Variants in IQGAP3 observed in about 807,000 individuals in gnomAD.
IQGAP3 encodes IQ motif containing GTPase activating protein 3.
IQGAP3 carries 165 observed loss-of-function variants against 208.2 expected under a neutral mutation model. The observed-to-expected ratio is 0.79, with a 90% CI of 0.70 to 0.90. IQGAP3 has a LOEUF of 0.90. Among genes scored for constraint, IQGAP3 ranks in the 40% least tolerant of loss-of-function variants. The pLI is 0.00. For synonymous variants in IQGAP3, 703 were observed against 803.6 expected (o/e 0.87, Z 2.12); for missense variants, 1,811 against 2,043.1 (o/e 0.89, Z 2.19).
intron 25 of IQGAP3, 92 bp from the exon 26 acceptor site, chr1:156,539,125 T>C: frequency 9.0e-7 from 1 of 1,106,252 alleles, no homozygotes; most frequent in South Asian, 1.3e-5. Context: ...TCTCAAAGCC[T>C]GCCCTGGTGT....
chr1:156,543,850 C>T (rs554274203), intron 22 of IQGAP3, 131 bp downstream of exon 22: 13 of 777,172 alleles, frequency 1.7e-5, no homozygotes, highest in African/African-American at 3.4e-5. Flanking sequence ...CTGTTCCATG[C>T]TCCTGCACAG....
chr1:156,564,488 C>T (rs1408461881), intron 5 of IQGAP3, 127 bp downstream of exon 5: 1 of 725,772 alleles, frequency 1.4e-6, no homozygotes, highest in Non-Finnish European at 2.5e-6. Flanking sequence ...AATCTGAAAC[C>T]TCACTCTCCT....
chr1:156,533,692 C>T (rs967133672), intron 31 of IQGAP3, 81 bp downstream of exon 31: 53 of 1,160,638 alleles, frequency 4.6e-5, no homozygotes, highest in Middle Eastern at 5.5e-4. Flanking sequence ...CATGGGCACG[C>T]TCACATGCCC....
chr1:156,566,586 C>T, intron 2 of IQGAP3, 40 bp from the exon 3 acceptor site: 4 of 1,601,160 alleles, frequency 2.5e-6, no homozygotes, highest in Non-Finnish European at 3.4e-6. Flanking sequence ...CTCTGGCAGA[C>T]CACAGTGATT....
chr1:156,569,528 C>A (rs868080172), intron 1 of IQGAP3, 65 bp from the exon 2 acceptor site: 27 of 137,384 alleles, frequency 2.0e-4, no homozygotes, highest in Non-Finnish European at 3.1e-4. Context: ...ACTGAAGGGT[C>A]TTTTTTTTTT....
Position 156,563,309 on chromosome 1 carries a change from T to G in IQGAP3, c.623A>C (p.His208Pro), listed in dbSNP as rs181872194. ...NELSVDEAAV[H>P]AAVLAINEAV... is the part of the protein sequence containing the mutation. ...TTCATTGATGGCAAGAACAGCTGCA[T>G]GGACTGGGAGAGGGCATGGAAACAA... Residue 208 changes from histidine to proline, a missense_variant, in exon 8 of 38, where the codon CAT becomes CCT. Coordinates refer to ENST00000361170, the MANE Select transcript of IQGAP3 (RefSeq NM_178229.5). The G allele has an allele frequency of 1.9e-6, 3 of 1,595,874 alleles. No homozygotes were observed. Among genetic ancestry groups the G allele is most frequent in the Non-Finnish European group, 2.6e-6 (3 of 1,167,530 alleles).
intron 13 of IQGAP3, among the ~76,000 whole-genome samples, chr1:156,552,576 T>C (rs748763127): frequency 4.6e-5 from 7 of 152,190 alleles, no homozygotes; most frequent in African/African-American, 7.2e-5. Flanking sequence ...CTACCCCATA[T>C]CTATTATATG....
chr1:156,547,178 G>A (rs1443441717), intron 19 of IQGAP3, among the ~76,000 whole-genome samples: 2 of 152,076 alleles, frequency 1.3e-5, no homozygotes, highest in African/African-American at 4.8e-5. Context: ...AATTACTTAT[G>A]GGTCAGTCTC....
At chr1:156,536,542 A>G (rs1226106441) in intron 27 of IQGAP3, among the ~76,000 whole-genome samples, 2 of 152,186 alleles carry the variant, frequency 1.3e-5, no homozygotes, top group African/African-American at 2.4e-5. Flanking sequence ...AGGTAGAAAG[A>G]ATAAGTTCTG....
At position 156,561,034 on chromosome 1, in the gene IQGAP3, A is replaced by G. The variant is rs1676126333; in HGVS notation, c.1042-13T>C. On this transcript the variant is annotated splice_polypyrimidine_tract_variant and intron_variant, in intron 10 of 37. Transcript: ENST00000361170. Reference sequence around the variant, plus strand: ...CCAGGCCCAGCTCCTAAGAGAGGGAAGAGATACAGTAGAATGGAGTCCTTC... The same window carrying G: ...CCAGGCCCAGCTCCTAAGAGAGGGAGGAGATACAGTAGAATGGAGTCCTTC... 6.3e-6 allele frequency: 10 copies of G among 1,594,562 alleles called. No homozygotes were observed. Among genetic ancestry groups the G allele is most frequent in the African/African-American group, 1.3e-5 (1 of 74,506 alleles).
intron 27 of IQGAP3, among the ~76,000 whole-genome samples, chr1:156,536,188 C>T (rs756370055): frequency 6.6e-6 from 1 of 152,072 alleles, no homozygotes; most frequent in Non-Finnish European, 1.5e-5. Flanking sequence ...CTGTGGGTTC[C>T]CCCTTTCAAC....
chr1:156,536,556 C>T (rs1324892582), intron 27 of IQGAP3, among the ~76,000 whole-genome samples: 1 of 152,078 alleles, frequency 6.6e-6, no homozygotes, highest in African/African-American at 2.4e-5. Context: ...AGTTCTGGTG[C>T]TCTATTGCAC....
At chr1:156,549,231 C>G (rs1383015395) in intron 16 of IQGAP3, among the ~76,000 whole-genome samples, 1 of 152,088 alleles carries the variant, frequency 6.6e-6, no homozygotes, top group African/African-American at 2.4e-5. Flanking sequence ...GAGGCTTAGG[C>G]GGGCAGATCA....
At chr1:156,530,019 C>A in intron 34 of IQGAP3, 86 bp downstream of exon 34, 1 of 1,113,022 alleles carries the variant, frequency 9.0e-7, no homozygotes, top group South Asian at 1.4e-5. Context: ...CAGGAGGGGC[C>A]CACCAACACT....
Position 156,563,775 on chromosome 1 carries a change from C to A in IQGAP3, c.487G>T (p.Gly163Trp), listed in dbSNP as rs1471321151. ...GGCTTACCTGTGAATTTCACTTTCC[C>A]GTATAGATCATGTATCTGAGGGGCC... ...GLAPQIHDLY[G>W]KVKFTAEELS... is the part of the protein sequence containing the mutation. Residue 163 changes from glycine to tryptophan, a missense_variant, in exon 6 of 38, where the codon GGG becomes TGG. Coordinates refer to ENST00000361170, the MANE Select transcript of IQGAP3 (RefSeq NM_178229.5). The A allele has an allele frequency of 1.2e-6, 2 of 1,613,882 alleles. No homozygotes were observed. Among genetic ancestry groups the A allele is most frequent in the Admixed American group, 3.3e-5 (2 of 59,982 alleles).
chr1:156,550,771 G>A (rs1675511686), intron 15 of IQGAP3, among the ~76,000 whole-genome samples: 1 of 152,046 alleles, frequency 6.6e-6, no homozygotes, highest in South Asian at 2.1e-4. Context: ...CACCTTCTCA[G>A]GCCAATCCTG....
At chr1:156,571,703 C>T (rs992151358) in intron 1 of IQGAP3, among the ~76,000 whole-genome samples, 2 of 152,228 alleles carry the variant, frequency 1.3e-5, no homozygotes, top group African/African-American at 4.8e-5. Flanking sequence ...AACAGTTTTC[C>T]TGTCCTTCTC....
At chr1:156,555,684 T>C (rs1446533554) in intron 12 of IQGAP3, among the ~76,000 whole-genome samples, 2 of 152,206 alleles carry the variant, frequency 1.3e-5, no homozygotes. Context: ...GAGGTAAATA[T>C]ATTATTGTTC....
rs755677219 is a variant in IQGAP3 at position 156,563,783 on chromosome 1, T to C, written c.479A>G (p.Asp160Gly). 6.2e-7 allele frequency: 1 copy of C among 1,613,870 alleles called. No homozygotes were observed. The highest frequency in any genetic ancestry group is 1.7e-5 in the Admixed American group (1 of 59,964). Reference protein sequence around the residue: ...FRLGLAPQIHDLYGKVKFTAE... With the variant: ...FRLGLAPQIHGLYGKVKFTAE... ...TGTGAATTTCACTTTCCCGTATAGA[T>C]CATGTATCTGAGGGGCCAATCCCAG... The change falls in exon 6 of 38, where the codon GAT (aspartate) becomes GGT (glycine). Residue 160 changes from aspartate to glycine, a missense_variant. Asp to Gly is a moderately conservative substitution (Grantham distance 94). Transcript: ENST00000361170.
Sources: allele counts gnomAD v4.1 joint callset (sites outside exome capture counted in the v4.1 genomes callset), GRCh38; gene constraint gnomAD v4.1.1; transcripts MANE v1.5; gene names NCBI Gene and HGNC (gene_info 2026-07-23, HGNC 2026-07-21).